The following RTKN2 variants were observed in gnomAD, a reference collection of about 807,000 sequenced individuals.
RTKN2 encodes the protein rhotekin 2, also known as rhotekin-2.
Under a neutral mutation model 71.5 loss-of-function variants are expected in RTKN2, and 69 were observed. The ratio of observed to expected loss-of-function variants is 0.96; its 90% CI spans 0.79 to 1.18. The LOEUF is 1.18. RTKN2 is among the 50% of genes most tolerant of loss of function. The pLI, the probability that RTKN2 is intolerant of heterozygous loss-of-function variation, is 0.00. For synonymous variants in RTKN2, 236 were observed against 236.5 expected (o/e 1.00, Z 0.02); for missense variants, 724 against 719.7 (o/e 1.01, Z -0.07).
chr10:62,195,457 T>G lies in RTKN2; in HGVS notation c.*2451A>C. 1.0e-6 allele frequency: 1 copy of G among 975,800 alleles called. No homozygotes were observed. Among genetic ancestry groups the G allele is most frequent in the Non-Finnish European group, 1.2e-6 (1 of 821,444 alleles). 60.4% of individuals were successfully genotyped at this position (975,800 alleles called of 1,614,324 possible). On this transcript the variant is annotated 3_prime_UTR_variant, in exon 12 of 12. Transcript: ENST00000373789. The stretch of plus-strand genomic sequence containing the variant: ...GCTTAACTATTTTTAGATTTTTTTT[T>G]TAAACTGTAAAGGAAGGGAGGAAGG...
At position 62,251,356 on chromosome 10, in the gene RTKN2, G is replaced by C. The variant is rs1842578009; in HGVS notation, c.258-5299C>G. Among the ~76,000 whole-genome samples, 3 of 152,258 alleles carry C rather than the reference G, an allele frequency of 2.0e-5. 1 individual carries two copies. The South Asian group carries it at 6.2e-4, about 32-fold the overall frequency. ...TTACAAATTAAACTTTATCATAGGG[G>C]TGTATGTATAGGAAAAAACATAGTG... On this transcript the variant is annotated intron_variant, in intron 2 of 11. Coordinates refer to ENST00000373789, the MANE Select transcript of RTKN2 (RefSeq NM_145307.4).
chr10:62,230,306 G>A (rs759966542), intron 6 of RTKN2, among the ~76,000 whole-genome samples: 1 of 152,128 alleles, frequency 6.6e-6, no homozygotes, highest in Non-Finnish European at 1.5e-5. Flanking sequence ...CAAGTAGCTA[G>A]GATTACAGGC....
chr10:62,201,796 T>C (rs1312112682), intron 10 of RTKN2, among the ~76,000 whole-genome samples: 3 of 152,178 alleles, frequency 2.0e-5, no homozygotes, highest in Admixed American at 2.0e-4. Context: ...ATAAACGTGT[T>C]CATGGGTCAA....
At chr10:62,198,589 C>T in intron 11 of RTKN2, 146 bp from the exon 12 acceptor site, 1 of 602,246 alleles carries the variant, frequency 1.7e-6, no homozygotes, top group East Asian at 3.1e-5. Context: ...TAAAAATAAC[C>T]ACACCATCAG....
chr10:62,198,438 C>A lies in RTKN2; in HGVS notation c.1300G>T (p.Asp434Tyr). The stretch of plus-strand genomic sequence containing the variant: ...AAACTTTCAAGTTTCATAGGTGAAT[C>A]AATGCCTATAATAATTTTAAGAAAA... Reference protein sequence around the residue: ...ATSVYHDMSIDSPMKLESLTD... With the variant: ...ATSVYHDMSIYSPMKLESLTD... The change falls in exon 12 of 12, where the codon GAT (aspartate) becomes TAT (tyrosine). Residue 434 changes from aspartate to tyrosine, a missense_variant. Transcript: ENST00000373789. 4 of 1,461,226 alleles carry A rather than the reference C, an allele frequency of 2.7e-6. No homozygotes were observed. Among genetic ancestry groups the A allele is most frequent in the South Asian group, 2.6e-5 (2 of 77,544 alleles). 90.5% of individuals were successfully genotyped at this position (1,461,226 alleles called of 1,614,324 possible). A position where few individuals can be genotyped will look rare whatever the true frequency, so the allele number is the denominator to read the frequency against.
chr10:62,184,226 C>A, exon 9 of RTKN2: 1 of 737,294 alleles, frequency 1.4e-6, no homozygotes. Flanking sequence ...GAAGGAGACG[C>A]GTTGTCTTTT....
Position 62,239,777 on chromosome 10 carries a change from AT to A in RTKN2, c.371-13del. 1 of 1,259,328 alleles carries A rather than the reference AT, an allele frequency of 7.9e-7. No homozygotes were observed. The highest frequency in any genetic ancestry group is 1.2e-6 in the Non-Finnish European group (1 of 868,954). The allele number at this position is 1,259,328 out of a possible 1,614,324, so 78.0% of individuals were successfully genotyped here. ...ATAGCGTCGTGATCCTGGAGGAAAA[AT>A]AACAACATATTAAGCAACAATCCAT... On this transcript the variant is annotated splice_polypyrimidine_tract_variant and intron_variant, in intron 4 of 11. Transcript: ENST00000373789.
intron 6 of RTKN2, among the ~76,000 whole-genome samples, chr10:62,226,554 C>G (rs1842027524): frequency 6.6e-6 from 1 of 152,196 alleles, no homozygotes; most frequent in Non-Finnish European, 1.5e-5. Context: ...TGCATGAGTA[C>G]ATTTTCGAGT....
chr10:62,255,622 G>A (rs1034610381), intron 2 of RTKN2, among the ~76,000 whole-genome samples: 13 of 152,190 alleles, frequency 8.5e-5, no homozygotes, highest in Non-Finnish European at 1.6e-4. Flanking sequence ...ATTTAGGGAA[G>A]AATCATAAAT....
At chr10:62,242,048 A>G (rs1236956953) in intron 3 of RTKN2, among the ~76,000 whole-genome samples, 1 of 135,718 alleles carries the variant, frequency 7.4e-6, no homozygotes, top group African/African-American at 2.9e-5. Flanking sequence ...AGAGTTCACT[A>G]TGTTTGCTAG....
intron 4 of RTKN2, among the ~76,000 whole-genome samples, chr10:62,240,158 G>A (rs1288994531): frequency 6.7e-6 from 1 of 149,064 alleles, no homozygotes; most frequent in Non-Finnish European, 1.5e-5. Context: ...GTCTATTTAA[G>A]AAAAAGATGT....
chr10:62,230,791 G>A, intron 6 of RTKN2, among the ~76,000 whole-genome samples: 1 of 152,090 alleles, frequency 6.6e-6, no homozygotes, highest in Non-Finnish European at 1.5e-5. Context: ...GAGCCCCAGT[G>A]TATTATATTG....
chr10:62,234,936 C>T (rs1337703064), intron 6 of RTKN2, among the ~76,000 whole-genome samples: 3 of 151,916 alleles, frequency 2.0e-5, no homozygotes, highest in Non-Finnish European at 4.4e-5. Context: ...GTAGGAAGTA[C>T]ATCTAATAAT....
intron 1 of RTKN2, among the ~76,000 whole-genome samples, chr10:62,263,350 G>C (rs1242366765): frequency 1.3e-5 from 2 of 152,160 alleles, no homozygotes; most frequent in Non-Finnish European, 2.9e-5. Context: ...ATCAGAAGCT[G>C]GAAAAGGCAA....
At chr10:62,258,137 T>C (rs1208899450) in intron 2 of RTKN2, among the ~76,000 whole-genome samples, 1 of 152,230 alleles carries the variant, frequency 6.6e-6, no homozygotes, top group Non-Finnish European at 1.5e-5. Context: ...AGTGATTTCT[T>C]AACTGTGGTT....
At position 62,197,360 on chromosome 10, in the gene RTKN2, G is replaced by A; in HGVS notation, c.*548C>T. The A allele has an allele frequency of 7.1e-6, 7 of 985,084 alleles. No homozygotes were observed. Among genetic ancestry groups the A allele is most frequent in the Non-Finnish European group, 7.2e-6 (6 of 829,356 alleles). The allele number at this position is 985,084 out of a possible 1,614,324, so 61.0% of individuals were successfully genotyped here. A position where few individuals can be genotyped will look rare whatever the true frequency, so the allele number is the denominator to read the frequency against. On this transcript the variant is annotated 3_prime_UTR_variant, in exon 12 of 12. Coordinates refer to ENST00000373789, the MANE Select transcript of RTKN2 (RefSeq NM_145307.4). ...ATTTAATATTCTAAAATTTATCCCA[G>A]GAATTTAAAAGGTCAGGCCTATAAA...
Position 62,198,005 on chromosome 10 carries a change from G to A in RTKN2, c.1733C>T (p.Thr578Ile), listed in dbSNP as rs769093944. 6.2e-7 allele frequency: 1 copy of A among 1,613,982 alleles called. No individual in the cohort carries two copies. Among genetic ancestry groups the A allele is most frequent in the Non-Finnish European group, 8.5e-7 (1 of 1,179,904 alleles). ...TGGCTTGGCTTCAAAATTGGTTTTA[G>A]TGTCTGTGTGCTCACCATCACTTAA... ...NRLSDGEHTD[T>I]KTNFEAKPVP... Residue 578 changes from threonine (T) to isoleucine (I), a missense_variant, in exon 12 of 12, where the codon ACT (threonine) becomes ATT (isoleucine). Coordinates refer to ENST00000373789, the MANE Select transcript of RTKN2 (RefSeq NM_145307.4).
intron 10 of RTKN2, among the ~76,000 whole-genome samples, chr10:62,202,390 C>T (rs368576481): frequency 6.6e-6 from 1 of 152,110 alleles, no homozygotes. Flanking sequence ...CCCTGAATAC[C>T]TATCCTGTAC....
intron 2 of RTKN2, among the ~76,000 whole-genome samples, chr10:62,253,467 A>C (rs1170899486): frequency 2.6e-5 from 4 of 152,202 alleles, no homozygotes; most frequent in African/African-American, 9.6e-5. Flanking sequence ...CAGAAAACCT[A>C]ACACAGTCAT....
Sources: gnomAD v4.1 joint callset for allele counts (sites outside exome capture counted in the v4.1 genomes callset) on GRCh38, gnomAD v4.1.1 for gene constraint, MANE v1.5 for transcripts, NCBI Gene and HGNC (gene_info 2026-07-23, HGNC 2026-07-21) for gene names.